Variants in FCHSD2 observed in about 807,000 individuals in gnomAD.
FCHSD2 encodes the protein FCH and double SH3 domains 2.
A neutral mutation model predicts 108.1 loss-of-function variants in FCHSD2; 38 were observed. The observed-to-expected ratio is 0.35, with a 90% CI of 0.27 to 0.46. The LOEUF (loss-of-function observed/expected upper bound fraction) is 0.46. Among genes scored for constraint, FCHSD2 ranks in the 20% least tolerant of loss-of-function variants. FCHSD2 has a pLI of 1.00. For synonymous variants in FCHSD2, 279 were observed against 314.7 expected (o/e 0.89, Z 1.20); for missense variants, 751 against 897.8 (o/e 0.84, Z 2.09).
intron 3 of FCHSD2, among the ~76,000 whole-genome samples, chr11:73,045,091 G>A (rs1013549284): frequency 3.3e-5 from 5 of 151,690 alleles, no homozygotes; most frequent in Middle Eastern, 3.4e-3. Context: ...AAAAGAATGG[G>A]GTAAAAGTGG....
At chr11:73,036,954 A>C (rs1050797018) in intron 3 of FCHSD2, among the ~76,000 whole-genome samples, 21 of 152,368 alleles carry the variant, frequency 1.4e-4, no homozygotes, top group African/African-American at 4.8e-4. Flanking sequence ...ATCTGTAATT[A>C]GATTTTAAAT....
At chr11:72,927,772 G>C (rs992877929) in intron 8 of FCHSD2, among the ~76,000 whole-genome samples, 13 of 152,208 alleles carry the variant, frequency 8.5e-5, no homozygotes, top group African/African-American at 1.9e-4. Flanking sequence ...TGGAAGGAGA[G>C]TGGCTGCAGG....
At chr11:72,893,854 C>T (rs1160052008) in intron 10 of FCHSD2, among the ~76,000 whole-genome samples, 1 of 151,940 alleles carries the variant, frequency 6.6e-6, no homozygotes, top group East Asian at 1.9e-4. Flanking sequence ...TTAAGGAAAT[C>T]AGCATTCCAA....
chr11:72,974,317 G>C (rs1407499544), intron 8 of FCHSD2, among the ~76,000 whole-genome samples: 1 of 152,134 alleles, frequency 6.6e-6, no homozygotes, highest in Non-Finnish European at 1.5e-5. Context: ...CCTTTTATCA[G>C]GAACCCACTC....
At chr11:72,909,105 C>T (rs1855694092) in intron 9 of FCHSD2, among the ~76,000 whole-genome samples, 1 of 152,214 alleles carries the variant, frequency 6.6e-6, no homozygotes, top group Non-Finnish European at 1.5e-5. Flanking sequence ...GCCGTGATCT[C>T]AGCTCGCTGC....
chr11:73,051,473 A>G (rs535219087), intron 3 of FCHSD2, among the ~76,000 whole-genome samples: 16 of 152,352 alleles, frequency 1.1e-4, no homozygotes, highest in African/African-American at 3.8e-4. Flanking sequence ...CCTAATTTAC[A>G]AACAGAAAAA....
At chr11:72,895,054 G>T (rs1373834496) in intron 10 of FCHSD2, among the ~76,000 whole-genome samples, 1 of 152,124 alleles carries the variant, frequency 6.6e-6, no homozygotes, top group Non-Finnish European at 1.5e-5. Context: ...GAAGAGGAGT[G>T]GAACAGTGCC....
At chr11:72,995,732 G>A (rs1272559449) in intron 5 of FCHSD2, among the ~76,000 whole-genome samples, 4 of 148,970 alleles carry the variant, frequency 2.7e-5, no homozygotes, top group Admixed American at 2.0e-4. Flanking sequence ...AAAGGAAGAA[G>A]TTAAAAGTAT....
At chr11:73,001,288 A>G (rs1405120963) in intron 4 of FCHSD2, among the ~76,000 whole-genome samples, 154 bp from the exon 5 acceptor site, 1 of 152,184 alleles carries the variant, frequency 6.6e-6, no homozygotes, top group Non-Finnish European at 1.5e-5. Context: ...CACACATAAC[A>G]AGCAACATGG....
Position 73,141,932 on chromosome 11 carries a change from G to A in FCHSD2, c.-55C>T. 1.4e-6 allele frequency: 2 copies of A among 1,452,726 alleles called. No individual in the cohort carries two copies. The highest frequency in any genetic ancestry group is 9.3e-7 in the Non-Finnish European group (1 of 1,074,274). 90.0% of individuals were successfully genotyped at this position (1,452,726 alleles called of 1,614,324 possible). Reference sequence around the variant, plus strand: ...CGGCAGCGTTAGCAAGGACCAGGAGGAGGAGGAGGGCCGGAGAGGAGGGGA... The same window carrying A: ...CGGCAGCGTTAGCAAGGACCAGGAGAAGGAGGAGGGCCGGAGAGGAGGGGA... On this transcript the variant is annotated 5_prime_UTR_variant, in exon 1 of 20. Coordinates refer to ENST00000409418, the MANE Select transcript of FCHSD2 (RefSeq NM_014824.3).
At chr11:72,890,228 T>C (rs904663309) in intron 10 of FCHSD2, among the ~76,000 whole-genome samples, 7 of 152,344 alleles carry the variant, frequency 4.6e-5, no homozygotes, top group Non-Finnish European at 8.8e-5. Flanking sequence ...GGACTTATCT[T>C]TCCGAGTGGG....
At chr11:73,059,757 C>T (rs989704605) in intron 3 of FCHSD2, among the ~76,000 whole-genome samples, 9 of 151,856 alleles carry the variant, frequency 5.9e-5, no homozygotes, top group Admixed American at 3.3e-4. Flanking sequence ...GTGAACACTT[C>T]CAGAATTCTG....
At chr11:72,993,613 A>G (rs946625781) in intron 5 of FCHSD2, among the ~76,000 whole-genome samples, 2 of 152,170 alleles carry the variant, frequency 1.3e-5, no homozygotes, top group Admixed American at 1.3e-4. Context: ...TTGTAGGGAC[A>G]TGGATGAAGC....
intron 2 of FCHSD2, among the ~76,000 whole-genome samples, chr11:73,089,143 T>A (rs945663617): frequency 5.9e-5 from 9 of 152,182 alleles, no homozygotes; most frequent in African/African-American, 2.2e-4. Context: ...TTATAATGTA[T>A]CATATATATA....
At chr11:73,073,827 G>A (rs1008845141) in intron 3 of FCHSD2, among the ~76,000 whole-genome samples, 1 of 152,100 alleles carries the variant, frequency 6.6e-6, no homozygotes, top group African/African-American at 2.4e-5. Flanking sequence ...CTGTACATGT[G>A]CAAGGATTTT....
chr11:72,907,705 C>T (rs1467634471), intron 9 of FCHSD2, among the ~76,000 whole-genome samples: 2 of 149,236 alleles, frequency 1.3e-5, no homozygotes, highest in African/African-American at 2.5e-5. Flanking sequence ...ATACTCCTGC[C>T]TCAGCCTCTC....
chr11:73,018,018 T>C (rs1858012879), intron 3 of FCHSD2, among the ~76,000 whole-genome samples: 1 of 152,192 alleles, frequency 6.6e-6, no homozygotes, highest in South Asian at 2.1e-4. Flanking sequence ...GAATGTCCAA[T>C]ATTTGGGTCC....
chr11:72,858,191 C>G (rs1861475002), intron 13 of FCHSD2, among the ~76,000 whole-genome samples: 1 of 152,202 alleles, frequency 6.6e-6, no homozygotes, highest in South Asian at 2.1e-4. Flanking sequence ...CTAATAGAAT[C>G]TCTCAACTCC....
intron 3 of FCHSD2, among the ~76,000 whole-genome samples, chr11:73,022,534 T>C (rs572164226): frequency 6.6e-6 from 1 of 152,178 alleles, no homozygotes; most frequent in Non-Finnish European, 1.5e-5. Context: ...CACAAAATGT[T>C]TGCAGGATCT....
Sources: allele counts gnomAD v4.1 joint callset (sites outside exome capture counted in the v4.1 genomes callset), GRCh38; gene constraint gnomAD v4.1.1; transcripts MANE v1.5; gene names NCBI Gene and HGNC (gene_info 2026-07-23, HGNC 2026-07-21).